Variants in CELF4 observed in about 807,000 individuals in gnomAD.
CELF4 encodes CUGBP Elav-like family member 4.
CELF4 carries 18 observed loss-of-function variants against 59.9 expected under a neutral mutation model. The ratio of observed to expected loss-of-function variants is 0.30; its 90% CI spans 0.21 to 0.45. The LOEUF (loss-of-function observed/expected upper bound fraction) is 0.45, where lower values mean the gene tolerates loss of function less well. Ranked by LOEUF, CELF4 falls within the 20% of genes least tolerant of loss-of-function variation. CELF4 has a pLI of 1.00. For synonymous variants in CELF4, 261 were observed against 267.1 expected (o/e 0.98, Z 0.22); for missense variants, 456 against 689.0 (o/e 0.66, Z 3.79).
chr18:37,498,793 G>T (rs976710999), intron 1 of CELF4, among the ~76,000 whole-genome samples: 1 of 152,068 alleles, frequency 6.6e-6, no homozygotes, highest in South Asian at 2.1e-4. Flanking sequence ...TGGGAGGGAG[G>T]TGGGTCTGGC....
At chr18:37,445,237 G>T (rs1452877545) in intron 2 of CELF4, among the ~76,000 whole-genome samples, 1 of 152,166 alleles carries the variant, frequency 6.6e-6, no homozygotes, top group Non-Finnish European at 1.5e-5. Flanking sequence ...GGCTGCAGAA[G>T]CGGGAGCAGA....
At chr18:37,325,535 C>T (rs955154726) in intron 2 of CELF4, among the ~76,000 whole-genome samples, 37 of 152,224 alleles carry the variant, frequency 2.4e-4, no homozygotes, top group Non-Finnish European at 1.2e-4. Context: ...ACCTGTGATG[C>T]TTTGGCCTAA....
chr18:37,539,482 C>A (rs920259550), intron 1 of CELF4, among the ~76,000 whole-genome samples: 1 of 152,070 alleles, frequency 6.6e-6, no homozygotes, highest in Non-Finnish European at 1.5e-5. Flanking sequence ...AACACACACA[C>A]ACACACACAC....
intron 9 of CELF4, among the ~76,000 whole-genome samples, chr18:37,265,083 T>A (rs375937293): frequency 1.3e-5 from 2 of 148,366 alleles, no homozygotes; most frequent in African/African-American, 4.9e-5. Flanking sequence ...TACGTGTGTG[T>A]ACAGTACATG....
At chr18:37,299,113 A>G (rs1408575363) in intron 3 of CELF4, among the ~76,000 whole-genome samples, 1 of 152,210 alleles carries the variant, frequency 6.6e-6, no homozygotes, top group East Asian at 1.9e-4. Context: ...ATGCTGGGCC[A>G]GGCAGAGAGG....
At chr18:37,349,710 G>A (rs553023772) in intron 2 of CELF4, among the ~76,000 whole-genome samples, 50 of 152,312 alleles carry the variant, frequency 3.3e-4, no homozygotes, top group African/African-American at 1.2e-3. Flanking sequence ...GAACCACAGA[G>A]CTGTGAGTGA....
At chr18:37,485,334 C>A (rs2099878702) in intron 2 of CELF4, among the ~76,000 whole-genome samples, 191 bp downstream of exon 2, 1 of 151,804 alleles carries the variant, frequency 6.6e-6, no homozygotes, top group Non-Finnish European at 1.5e-5. Flanking sequence ...AAGTGGGGCC[C>A]CTGTCCCGGA....
intron 11 of CELF4, among the ~76,000 whole-genome samples, chr18:37,258,304 C>G (rs2071522418): frequency 6.7e-6 from 1 of 150,310 alleles, no homozygotes; most frequent in Non-Finnish European, 1.5e-5. Flanking sequence ...ACAGACACCA[C>G]ACCCCCGCGC....
chr18:37,328,511 G>A (rs577046212), intron 2 of CELF4, among the ~76,000 whole-genome samples: 11 of 152,324 alleles, frequency 7.2e-5, no homozygotes, highest in South Asian at 2.1e-4. Flanking sequence ...GGCTCACCTC[G>A]CCAAGCTTTG....
rs763911803 is a variant in CELF4 at position 37,274,297 on chromosome 18, G to C, written c.801+14C>G. ...TGAGCTTGAGAACCGCTGCCCGTGCGCGCTGCCACTTACTGCCTGAGCGTA... is the reference window on the plus strand; with the variant it reads ...TGAGCTTGAGAACCGCTGCCCGTGCCCGCTGCCACTTACTGCCTGAGCGTA... On this transcript the variant is annotated intron_variant, in intron 6 of 12. Transcript: ENST00000420428. The C allele has an allele frequency of 1.9e-6, 3 of 1,608,954 alleles. No homozygotes were observed. Among genetic ancestry groups the C allele is most frequent in the Non-Finnish European group, 2.5e-6 (3 of 1,178,616 alleles).
intron 1 of CELF4, among the ~76,000 whole-genome samples, chr18:37,557,885 C>T (rs1011816476): frequency 4.6e-5 from 7 of 151,830 alleles, no homozygotes; most frequent in East Asian, 1.9e-4. Flanking sequence ...TTGAAATCCT[C>T]GATCAGCTCA....
chr18:37,489,281 C>G (rs1314180718), intron 1 of CELF4, among the ~76,000 whole-genome samples: 2 of 152,352 alleles, frequency 1.3e-5, no homozygotes, highest in Non-Finnish European at 1.5e-5. Flanking sequence ...CTCCGGGGTT[C>G]AAAAGAAGGG....
chr18:37,253,729 C>G lies in CELF4; in HGVS notation c.*44+38G>C, dbSNP rs2067054132. 1.3e-6 allele frequency: 2 copies of G among 1,493,982 alleles called. No homozygotes were observed. Among genetic ancestry groups the G allele is most frequent in the Non-Finnish European group, 9.0e-7 (1 of 1,110,636 alleles). 92.5% of individuals were successfully genotyped at this position (1,493,982 alleles called of 1,614,324 possible). Reference sequence around the variant, plus strand: ...GGCGGCGGGTCCGTCTGGTTCCCTCCCAACCCCCGTCCCCGCGCCCCGGCC... The same window carrying G: ...GGCGGCGGGTCCGTCTGGTTCCCTCGCAACCCCCGTCCCCGCGCCCCGGCC... On this transcript the variant is annotated intron_variant, in intron 12 of 12. Transcript: ENST00000420428. The surrounding 1 kb of genome is among the most constrained non-coding windows in gnomAD (Gnocchi z 4.5).
intron 1 of CELF4, among the ~76,000 whole-genome samples, chr18:37,526,653 C>T (rs1467808366): frequency 6.6e-6 from 1 of 152,202 alleles, no homozygotes; most frequent in African/African-American, 2.4e-5. Context: ...CCTGTCATAC[C>T]ACAACCTGCC....
rs927387203 is a variant in CELF4, at chr18:37,565,273, C to G, written c.286+83G>C. ...CGAGGCTTCCTCTCGCTTAGTCCGC[C>G]GCTCGTCAGTCGCCGGCCGGCCGGT... On this transcript the variant is annotated intron_variant, in intron 1 of 12. Transcript: ENST00000420428. 1.4e-4 allele frequency: 203 copies of G among 1,437,726 alleles called. 1 individual carries two copies. The highest frequency in any genetic ancestry group is 2.4e-4 in the Middle Eastern group (1 of 4,148). 89.1% of individuals were successfully genotyped at this position (1,437,726 alleles called of 1,614,324 possible).
intron 2 of CELF4, among the ~76,000 whole-genome samples, chr18:37,420,193 G>C (rs2099569244): frequency 6.6e-6 from 1 of 152,220 alleles, no homozygotes; most frequent in African/African-American, 2.4e-5. Flanking sequence ...TCTGATAGCA[G>C]GCAGCAGCTG....
chr18:37,504,550 C>T (rs1051383260), intron 1 of CELF4, among the ~76,000 whole-genome samples: 4 of 151,784 alleles, frequency 2.6e-5, no homozygotes, highest in African/African-American at 4.8e-5. Context: ...CTGCTTTCCT[C>T]GTCTGTAAAA....
At chr18:37,467,527 G>A (rs752051999) in intron 2 of CELF4, among the ~76,000 whole-genome samples, 3 of 152,128 alleles carry the variant, frequency 2.0e-5, no homozygotes, top group African/African-American at 7.2e-5. Context: ...GGCTGAGGAT[G>A]AGGTGGCACA....
At chr18:37,446,237 C>T (rs1191196874) in intron 2 of CELF4, among the ~76,000 whole-genome samples, 1 of 152,168 alleles carries the variant, frequency 6.6e-6, no homozygotes, top group Admixed American at 6.5e-5. Flanking sequence ...CACTTTTGAA[C>T]CCTCATTACC....
Sources: gnomAD v4.1 joint callset for allele counts (sites outside exome capture counted in the v4.1 genomes callset) on GRCh38, gnomAD v4.1.1 for gene constraint, Gnocchi (gnomAD v3.1) non-coding constraint, MANE v1.5 for transcripts, NCBI Gene and HGNC (gene_info 2026-07-23, HGNC 2026-07-21) for gene names.